The following NLRP10 variants were observed in gnomAD, a reference collection of about 807,000 sequenced individuals.
The protein encoded by NLRP10 is NACHT, LRR and PYD domains-containing protein 10.
A neutral mutation model predicts 8.2 loss-of-function variants in NLRP10; 7 were observed. The ratio of observed to expected loss-of-function variants is 0.85; its 90% confidence interval spans 0.48 to 1.60. The LOEUF (loss-of-function observed/expected upper bound fraction) is 1.60, where lower values mean the gene tolerates loss of function less well. Ranked by LOEUF, NLRP10 falls within the 40% of genes most tolerant of loss-of-function variation. The pLI, the probability that NLRP10 is intolerant of heterozygous loss-of-function variation, is 0.00. For synonymous variants in NLRP10, 338 were observed against 314.0 expected (o/e 1.08, Z -0.81); for missense variants, 814 against 776.3 (o/e 1.05, Z -0.58).
At chr11:7,962,231 C>CTGTTTTTTTTTT (rs1941743747) in intron 2 of NLRP10, among the ~76,000 whole-genome samples, 1 of 66,994 alleles carries the variant, frequency 1.5e-5, no homozygotes, top group African/African-American at 5.6e-5. Context: ...TAAGCCTGTT[C>CTGTTTTTTTTTT]TTTTTTTTTT....
At position 7,963,271 on chromosome 11, in the gene NLRP10, G is replaced by A; in HGVS notation, c.225C>T (p.Leu75=). 6.2e-7 allele frequency: 1 copy of A among 1,614,208 alleles called. No homozygotes were observed. The highest frequency in any genetic ancestry group is 8.5e-7 in the Non-Finnish European group (1 of 1,180,042). ...ACAGGTTCATGACCTTCAAGCCCTT[G>A]AGGACAACTTTCACAGCCTCCTTTT... ...YGEKEAVKVV[L]KGLKVMNLLE... The change falls in exon 2 of 3, where the codon CTC becomes CTT. Residue 75 remains leucine (L), a synonymous_variant. Transcript: ENST00000691676.
At chr11:7,962,899 C>A (rs1215772035) in intron 2 of NLRP10, among the ~76,000 whole-genome samples, 1 of 152,202 alleles carries the variant, frequency 6.6e-6, no homozygotes, top group South Asian at 2.1e-4. Context: ...AATCCCTTCA[C>A]CAACACCCTC....
intron 1 of NLRP10, 26 bp downstream of exon 1, chr11:7,965,220 G>A (rs1303456026): frequency 6.6e-6 from 1 of 152,252 alleles, no homozygotes; most frequent in African/African-American, 2.4e-5. Flanking sequence ...AACCTGCCAA[G>A]AAGATGTCCA....
In NLRP10 at chr11:7,960,163, G is replaced by C. The variant is rs139254545; in HGVS notation, c.1449C>G (p.Asp483Glu). 1 of 1,614,022 alleles carries C rather than the reference G, an allele frequency of 6.2e-7. No individual in the cohort carries two copies. ...FHAMSYLVKEDQSRLGKESRR... is the reference protein window; with the variant it reads ...FHAMSYLVKEEQSRLGKESRR... ...GGGACTCCTTCCCCAGCCGGCTTTG[G>C]TCCTCTTTCACCAGGTAAGACATGG... is the stretch of plus-strand genomic sequence containing the variant. The change falls in exon 3 of 3, where the codon GAC (aspartate) becomes GAG (glutamate). Residue 483 changes from aspartate (D) to glutamate (E), a missense_variant. Coordinates refer to ENST00000691676, the MANE Select transcript of NLRP10 (RefSeq NM_001391958.1).
In NLRP10 at chr11:7,962,231, C is replaced by CTTTTTTTTTTTTTTTTTTTTTTTTTTTT. The variant is rs71452435; in HGVS notation, c.290-910_290-909insAAAAAAAAAAAAAAAAAAAAAAAAAAAA. 3.0e-5 allele frequency among the ~76,000 whole-genome samples: 2 copies of CTTTTTTTTTTTTTTTTTTTTTTTTTTTT among 66,994 alleles called. 1 individual carries two copies. Among genetic ancestry groups the CTTTTTTTTTTTTTTTTTTTTTTTTTTTT allele is most frequent in the African/African-American group, 1.1e-4 (2 of 17,816 alleles). 44.0% of individuals were successfully genotyped at this position (66,994 alleles called of 152,430 possible). A position where few individuals can be genotyped will look rare whatever the true frequency, so the allele number is the denominator to read the frequency against. On this transcript the variant is annotated intron_variant, in intron 2 of 2. Coordinates refer to ENST00000691676, the MANE Select transcript of NLRP10 (RefSeq NM_001391958.1). ...CCAAAGGGACTAAGATAAGCCTGTT[C>CTTTTTTTTTTTTTTTTTTTTTTTTTTTT]TTTTTTTTTTTTTTTTTTTTTTGAG...
In NLRP10 at chr11:7,963,266, C is replaced by A. The variant is rs900658112; in HGVS notation, c.230G>T (p.Gly77Val). 1 of 1,614,204 alleles carries A rather than the reference C, an allele frequency of 6.2e-7. No individual in the cohort carries two copies. The highest frequency in any genetic ancestry group is 8.5e-7 in the Non-Finnish European group (1 of 1,180,034). Residue 77 changes from glycine to valine, a missense_variant, in exon 2 of 3, where the codon GGC becomes GTC. By Grantham distance (109) the Gly-to-Val change is moderately radical. Coordinates refer to ENST00000691676, the MANE Select transcript of NLRP10 (RefSeq NM_001391958.1). Reference protein sequence around the residue: ...EKEAVKVVLKGLKVMNLLELV... With the variant: ...EKEAVKVVLKVLKVMNLLELV... The stretch of plus-strand genomic sequence containing the variant: ...TTCCAACAGGTTCATGACCTTCAAG[C>A]CCTTGAGGACAACTTTCACAGCCTC...
At chr11:7,963,182 TCCC>T (rs1174413980) in intron 2 of NLRP10, 22 bp downstream of exon 2, 1 of 1,604,670 alleles carries the variant, frequency 6.2e-7, no homozygotes, top group African/African-American at 1.3e-5. Context: ...CATCCTGCCC[TCCC>T]CTTCCCCCGC....
At chr11:7,964,963 A>G (rs1482378444) in intron 1 of NLRP10, among the ~76,000 whole-genome samples, 1 of 152,232 alleles carries the variant, frequency 6.6e-6, no homozygotes, top group East Asian at 1.9e-4. Context: ...GGGAACACAG[A>G]GAGTTGTTGC....
intron 1 of NLRP10, among the ~76,000 whole-genome samples, chr11:7,964,309 G>T (rs552637597): frequency 6.6e-6 from 1 of 151,772 alleles, no homozygotes; most frequent in East Asian, 1.9e-4. Context: ...CTGTGGTATG[G>T]CAAGAAGGTA....
chr11:7,963,462 C>T lies in NLRP10; in HGVS notation c.34G>A (p.Ala12Thr). ...AMAKARKPRE[A>T]LLWALSDLEE... ...AGGTCACTCAAGGCCCAGAGCAATG[C>T]CTCCCGGGGCTTTCTGGCCTTGGCC... Residue 12 changes from alanine (A) to threonine (T), a missense_variant, in exon 2 of 3, where the codon GCA becomes ACA. Coordinates refer to ENST00000691676, the MANE Select transcript of NLRP10 (RefSeq NM_001391958.1). The T allele has an allele frequency of 2.5e-6, 4 of 1,613,450 alleles. No individual in the cohort carries two copies. Among genetic ancestry groups the T allele is most frequent in the Non-Finnish European group, 3.4e-6 (4 of 1,179,610 alleles).
chr11:7,963,118 G>A, intron 2 of NLRP10, 89 bp downstream of exon 2: 2 of 1,321,868 alleles, frequency 1.5e-6, no homozygotes, highest in South Asian at 1.3e-5. Context: ...AAGGCATAAG[G>A]TACAGGCTAC....
In NLRP10 at chr11:7,958,168, T is replaced by C. The variant is rs80117148; in HGVS notation, c.*1476A>G. Among the ~76,000 whole-genome samples the C allele has an allele frequency of 3.5e-4, 54 of 152,366 alleles. 1 individual carries two copies. In the East Asian group the frequency reaches 9.8e-3, roughly 28 times the overall value. The stretch of plus-strand genomic sequence containing the variant: ...AAATTTGGGCAATTACGAATAAAGC[T>C]GCTATAAATATTCATGTGCAGGTTT... On this transcript the variant is annotated 3_prime_UTR_variant, in exon 3 of 3. Coordinates refer to ENST00000691676, the MANE Select transcript of NLRP10 (RefSeq NM_001391958.1).
Position 7,961,166 on chromosome 11 carries a change from G to C in NLRP10, c.446C>G (p.Ser149Cys). 6.2e-7 allele frequency: 1 copy of C among 1,614,084 alleles called. No individual in the cohort carries two copies. Among genetic ancestry groups the C allele is most frequent in the Non-Finnish European group, 8.5e-7 (1 of 1,179,986 alleles). ...ACPFPEQELE[S>C]VTVEALFDSG... ...ATCAAATAGAGCCTCCACCGTGACAGACTCCAGCTCCTGCTCCGGGAAGGG... is the reference window on the plus strand; with the variant it reads ...ATCAAATAGAGCCTCCACCGTGACACACTCCAGCTCCTGCTCCGGGAAGGG... The change falls in exon 3 of 3, where the codon TCT becomes TGT. Residue 149 changes from serine to cysteine, a missense_variant. Coordinates refer to ENST00000691676, the MANE Select transcript of NLRP10 (RefSeq NM_001391958.1).
In NLRP10 at chr11:7,960,075, T is replaced by C; in HGVS notation, c.1537A>G (p.Thr513Ala). 5 of 1,614,156 alleles carry C rather than the reference T, an allele frequency of 3.1e-6. No homozygotes were observed. Among genetic ancestry groups the C allele is most frequent in the Non-Finnish European group, 2.5e-6 (3 of 1,180,024 alleles). Residue 513 changes from threonine (T) to alanine (A), a missense_variant, in exon 3 of 3, where the codon ACT (threonine) becomes GCT (alanine). Coordinates refer to ENST00000691676, the MANE Select transcript of NLRP10 (RefSeq NM_001391958.1). ...GAGATGTCCAGTAAAAACTGCATAG[T>C]GAGGGTCATCTCATCATTCCCTTCC... ...EQEGNDEMTL[T>A]MQFLLDISKK... is the part of the protein sequence containing the mutation.
chr11:7,963,560 G>T lies in NLRP10; in HGVS notation c.-45-20C>A, dbSNP rs1277296224. 1.0e-5 allele frequency: 15 copies of T among 1,480,750 alleles called. No individual in the cohort carries two copies. Among genetic ancestry groups the T allele is most frequent in the South Asian group, 3.9e-5 (3 of 76,610 alleles). The allele number at this position is 1,480,750 out of a possible 1,614,324, so 91.7% of individuals were successfully genotyped here. A position where few individuals can be genotyped will look rare whatever the true frequency, so the allele number is the denominator to read the frequency against. On this transcript the variant is annotated intron_variant, in intron 1 of 2. Coordinates refer to ENST00000691676, the MANE Select transcript of NLRP10 (RefSeq NM_001391958.1). ...AGTGACCTGGAGAAAGAGGCAAAAG[G>T]AGAGGTCCACTGCTGAGAGGCCCAC...
chr11:7,962,731 C>A (rs536270708), intron 2 of NLRP10, among the ~76,000 whole-genome samples: 3 of 152,232 alleles, frequency 2.0e-5, no homozygotes. Flanking sequence ...ACAGGAAGAA[C>A]CAGCAGGCCA....
In NLRP10 at chr11:7,963,211, C is replaced by A. The variant is rs1283040993; in HGVS notation, c.285G>T (p.Leu95=). The change falls in exon 2 of 3, where the codon CTG becomes CTT. Residue 95 remains leucine, a synonymous_variant. Transcript: ENST00000691676. ...ELVDQLSHIC[L]HDYREVYREH... ...CTTCCCCCGCTCCACACTCACCATG[C>A]AGACAAATATGGCTGAGCTGGTCCA... 1.9e-6 allele frequency: 3 copies of A among 1,613,656 alleles called. No individual in the cohort carries two copies. Among genetic ancestry groups the A allele is most frequent in the Non-Finnish European group, 2.5e-6 (3 of 1,179,780 alleles).
At chr11:7,963,766 G>A in intron 1 of NLRP10, 1 of 508,978 alleles carries the variant, frequency 2.0e-6, no homozygotes, top group Non-Finnish European at 3.4e-6. Context: ...AGGTATGTAG[G>A]TGTGTTAATC....
intron 1 of NLRP10, 144 bp from the exon 2 acceptor site, chr11:7,963,684 G>T (rs766124334): frequency 1.7e-6 from 1 of 589,372 alleles, no homozygotes; most frequent in Non-Finnish European, 3.0e-6. Context: ...TGAAACGCAG[G>T]GGAATTTTCC....
Sources: allele counts gnomAD v4.1 joint callset (sites outside exome capture counted in the v4.1 genomes callset), GRCh38; gene constraint gnomAD v4.1.1; transcripts MANE v1.5; gene names NCBI Gene and HGNC (gene_info 2026-07-23, HGNC 2026-07-21).